Variants in NAF1 observed in about 807,000 individuals in gnomAD.
NAF1 encodes the protein nuclear assembly factor 1 ribonucleoprotein, also known as H/ACA ribonucleoprotein complex non-core subunit NAF1.
Under a neutral mutation model 40.6 loss-of-function variants are expected in NAF1, and 11 were observed. That is an observed-to-expected ratio of 0.27 (90% CI 0.17 to 0.45). The LOEUF is 0.45. NAF1 is among the 20% of genes least tolerant of loss of function. The pLI is 1.00. For missense variants in NAF1, 607 were observed against 611.1 expected, an observed-to-expected ratio of 0.99 and a Z score of 0.07; for synonymous variants, 260 against 228.5, an observed-to-expected ratio of 1.14 and a Z score of -1.24.
chr4:163,120,136 G>C (rs1730473544), intron 2 of NAF1, among the ~76,000 whole-genome samples: 1 of 152,224 alleles, frequency 6.6e-6, no homozygotes, highest in Admixed American at 6.5e-5. Flanking sequence ...AAGAGCTGTG[G>C]GTTGGGGGAG....
chr4:163,128,574 T>C, downstream of NAF1: 1 of 232,772 alleles, frequency 4.3e-6, no homozygotes. Flanking sequence ...CCATATATTT[T>C]ACCCATGATG....
intron 2 of NAF1, among the ~76,000 whole-genome samples, chr4:163,118,888 G>T (rs1248644317): frequency 1.3e-5 from 2 of 152,200 alleles, no homozygotes; most frequent in African/African-American, 4.8e-5. Flanking sequence ...ACCTGGATGG[G>T]TCCTTTGACT....
At chr4:163,162,610 C>T (rs946246443) in intron 2 of NAF1, among the ~76,000 whole-genome samples, 1 of 152,240 alleles carries the variant, frequency 6.6e-6, no homozygotes, top group Admixed American at 6.5e-5. Context: ...TTTGTCTCCA[C>T]TTTATTTACT....
downstream of NAF1, among the ~76,000 whole-genome samples, chr4:163,127,396 C>G (rs557457290): frequency 3.0e-4 from 45 of 152,242 alleles, no homozygotes; most frequent in African/African-American, 1.0e-3. Context: ...TCCCAAAGCG[C>G]TGGGATTACA....
chr4:163,121,024 T>C (rs889310204), intron 2 of NAF1, among the ~76,000 whole-genome samples: 5 of 152,018 alleles, frequency 3.3e-5, no homozygotes, highest in African/African-American at 7.2e-5. Context: ...CCCGAGTAGC[T>C]GGAATTACAG....
chr4:163,116,307 T>C (rs715811), intron 2 of NAF1, among the ~76,000 whole-genome samples: 39,873 of 152,064 alleles, frequency 0.26, 5,629 homozygotes, highest in African/African-American at 0.37. Context: ...GTCCTTATTA[T>C]GGAATTTTGA....
Position 163,140,275 on chromosome 4 carries a change from CA to C in NAF1, c.825del (p.Phe275LeufsTer5). 1 of 1,606,172 alleles carries C rather than the reference CA, an allele frequency of 6.2e-7. No individual in the cohort carries two copies. The highest frequency in any genetic ancestry group is 8.5e-7 in the Non-Finnish European group (1 of 1,176,364). ...KGIKIKETMY[F>X]APSMKDFTQY... The stretch of plus-strand genomic sequence containing the variant: ...TGAGTGAAATCTTTCATTGATGGAG[CA>C]AAATACATAGTCTCCTTTATTTTAA... On this transcript the variant is annotated frameshift_variant, in exon 5 of 8. Coordinates refer to ENST00000274054, the MANE Select transcript of NAF1 (RefSeq NM_138386.3). LOFTEE classifies it high-confidence loss of function.
rs146474502 is a variant in NAF1 at position 163,133,221 on chromosome 4, T to C, written c.966A>G (p.Glu322=). The C allele has an allele frequency of 2.5e-6, 4 of 1,613,830 alleles. No individual in the cohort carries two copies. In the East Asian group the frequency reaches 8.9e-5, roughly 36 times the overall value. Residue 322 remains glutamate (E), a synonymous_variant, in exon 7 of 8, where the codon GAA becomes GAG. Coordinates refer to ENST00000274054, the MANE Select transcript of NAF1 (RefSeq NM_138386.3). ...TCTGAGATTTTTTCCTCTGTTTGGC[T>C]TCCTTCTCTTTTTCATCATCACTAA... is the stretch of plus-strand genomic sequence containing the variant. ...LDFSDDEKEK[E]AKQRKKSQIQ...
chr4:163,154,269 G>C (rs1731873690), intron 2 of NAF1, among the ~76,000 whole-genome samples: 1 of 152,156 alleles, frequency 6.6e-6, no homozygotes, highest in Non-Finnish European at 1.5e-5. Flanking sequence ...TCCTAAAAAA[G>C]GCCAGTGATG....
At chr4:163,155,000 A>G (rs1386950272) in intron 2 of NAF1, among the ~76,000 whole-genome samples, 1 of 152,220 alleles carries the variant, frequency 6.6e-6, no homozygotes, top group Non-Finnish European at 1.5e-5. Context: ...TGGCAGGTTC[A>G]GAGAGAACTT....
chr4:163,105,303 A>G (rs915401190), downstream of NAF1, among the ~76,000 whole-genome samples: 1 of 152,218 alleles, frequency 6.6e-6, no homozygotes, highest in African/African-American at 2.4e-5. Flanking sequence ...TAACAGCTCT[A>G]ATAGCATTAT....
chr4:163,146,015 C>G (rs1731452009), intron 3 of NAF1, 151 bp from the exon 4 acceptor site: 1 of 502,706 alleles, frequency 2.0e-6, no homozygotes, highest in South Asian at 3.3e-5. Flanking sequence ...TAAACAAAGT[C>G]TACTTATTAC....
chr4:163,130,930 G>A (rs1730847578), intron 7 of NAF1, among the ~76,000 whole-genome samples: 1 of 152,230 alleles, frequency 6.6e-6, no homozygotes. Flanking sequence ...CCTGGCTGGA[G>A]TGCAGTGGCA....
rs1560811083 is a variant in NAF1 at position 163,164,349 on chromosome 4, TGAAGAGGAAGAC to T, written c.396_407del (p.Ser142_Ser145del). 3.1e-6 allele frequency: 5 copies of T among 1,596,706 alleles called. No homozygotes were observed. In the Admixed American group the frequency reaches 8.7e-5, roughly 28 times the overall value. On this transcript the variant is annotated inframe_deletion, in exon 2 of 8. Transcript: ENST00000274054. The stretch of plus-strand genomic sequence containing the variant: ...AGGAAGAAGACGACGATGAGGAAGA[TGAAGAGGAAGAC>T]GATGAACTTGAACTATCTGAATCTG...
intron 7 of NAF1, among the ~76,000 whole-genome samples, chr4:163,131,749 G>A (rs1387999025): frequency 6.6e-6 from 1 of 152,132 alleles, no homozygotes; most frequent in Non-Finnish European, 1.5e-5. Flanking sequence ...CTTTAGTATT[G>A]CAAAAGGCCA....
downstream of NAF1, among the ~76,000 whole-genome samples, chr4:163,124,593 C>T (rs559870780): frequency 6.6e-6 from 1 of 152,046 alleles, no homozygotes; most frequent in Non-Finnish European, 1.5e-5. Flanking sequence ...TGCAACCACA[C>T]ATTTTATTTT....
rs767045050 is a variant in NAF1 at position 163,148,386 on chromosome 4, C to T, written c.589G>A (p.Glu197Lys). Reference sequence around the variant, plus strand: ...GAAACCATCCCAAGAGGCTTTAACTCAATATCTTCAGGCAGAATAATAGTG... The same window carrying T: ...GAAACCATCCCAAGAGGCTTTAACTTAATATCTTCAGGCAGAATAATAGTG... ...ELTIILPEDI[E>K]LKPLGMVSSI... is the part of the protein sequence containing the mutation. Residue 197 changes from glutamate (E) to lysine (K), a missense_variant, in exon 3 of 8, where the codon GAG becomes AAG. Coordinates refer to ENST00000274054, the MANE Select transcript of NAF1 (RefSeq NM_138386.3). The T allele has an allele frequency of 6.3e-7, 1 of 1,582,142 alleles. No homozygotes were observed. Among genetic ancestry groups the T allele is most frequent in the South Asian group, 1.2e-5 (1 of 84,580 alleles).
chr4:163,149,929 G>A (rs570903871), intron 2 of NAF1, among the ~76,000 whole-genome samples: 8 of 152,238 alleles, frequency 5.3e-5, no homozygotes, highest in African/African-American at 1.9e-4. Context: ...TGTGAGGGGA[G>A]TTTCACATTG....
intron 4 of NAF1, among the ~76,000 whole-genome samples, chr4:163,142,819 C>T (rs1731314027): frequency 1.3e-5 from 2 of 152,118 alleles, no homozygotes; most frequent in Non-Finnish European, 1.5e-5. Context: ...TTGACTAACA[C>T]CTGAGAGCTA....
Sources: allele counts gnomAD v4.1 joint callset (sites outside exome capture counted in the v4.1 genomes callset), GRCh38; gene constraint gnomAD v4.1.1; transcripts MANE v1.5; gene names NCBI Gene and HGNC (gene_info 2026-07-23, HGNC 2026-07-21).